The following SH3RF2 variants were observed in gnomAD, a reference collection of about 807,000 sequenced individuals.
SH3RF2 encodes SH3 domain containing ring finger 2.
SH3RF2 carries 43 observed loss-of-function variants against 59.0 expected under a neutral mutation model. That is an observed-to-expected ratio of 0.73 (90% confidence interval 0.57 to 0.94). The LOEUF is 0.94. SH3RF2 is among the 40% of genes least tolerant of loss of function. SH3RF2 has a pLI of 0.00. For missense variants in SH3RF2, 930 were observed against 940.1 expected (o/e 0.99, Z 0.14); for synonymous variants, 391 against 391.5 (o/e 1.00, Z 0.01).
chr5:145,959,536 C>A (rs1319557488), intron 2 of SH3RF2, among the ~76,000 whole-genome samples: 5 of 151,830 alleles, frequency 3.3e-5, no homozygotes, highest in Non-Finnish European at 5.9e-5. Context: ...TCATTCTCTC[C>A]ATTTGCAAAG....
At chr5:146,051,773 T>C (rs889904857) in intron 7 of SH3RF2, among the ~76,000 whole-genome samples, 2 of 152,136 alleles carry the variant, frequency 1.3e-5, no homozygotes, top group African/African-American at 4.8e-5. Context: ...AGTTTAGCAT[T>C]TAAGAGAGAG....
At chr5:146,008,954 A>G (rs1003147487) in intron 4 of SH3RF2, among the ~76,000 whole-genome samples, 1 of 152,234 alleles carries the variant, frequency 6.6e-6, no homozygotes, top group African/African-American at 2.4e-5. Context: ...TGTTTCATGT[A>G]TCAGTAGTTC....
rs553853516 is a variant in SH3RF2, at chr5:145,949,268, C to G, written c.378+10962C>G. Among the ~76,000 whole-genome samples, 8 of 152,286 alleles carry G rather than the reference C, an allele frequency of 5.3e-5. No homozygotes were observed. The South Asian group carries it at 1.7e-3, about 32-fold the overall frequency. On this transcript the variant is annotated intron_variant, in intron 2 of 9. Transcript: ENST00000359120. ...ACACCAACTGACTGGCATGCCAAAG[C>G]CTTCTGAGCAGGTCACCCTGGTTTT...
intron 2 of SH3RF2, among the ~76,000 whole-genome samples, chr5:145,969,722 G>A (rs1043849295): frequency 1.3e-4 from 19 of 151,062 alleles, no homozygotes; most frequent in African/African-American, 2.4e-4. Context: ...ATGACAGAGC[G>A]AGACACTCTT....
At chr5:145,993,067 A>T (rs1466688776) in intron 2 of SH3RF2, among the ~76,000 whole-genome samples, 3 of 152,154 alleles carry the variant, frequency 2.0e-5, no homozygotes, top group Non-Finnish European at 4.4e-5. Flanking sequence ...AGCCATTTCA[A>T]ATGGGAGAAA....
At chr5:145,965,956 G>A (rs940572170) in intron 2 of SH3RF2, among the ~76,000 whole-genome samples, 7 of 152,160 alleles carry the variant, frequency 4.6e-5, no homozygotes, top group African/African-American at 2.4e-5. Context: ...GAGTCTGAAC[G>A]AGCCAACCAA....
At chr5:145,987,485 C>T (rs540915372) in intron 2 of SH3RF2, among the ~76,000 whole-genome samples, 16 of 152,228 alleles carry the variant, frequency 1.1e-4, no homozygotes, top group South Asian at 4.1e-4. Context: ...AAAAGTCACA[C>T]GACATAACAG....
rs1339480670 is a variant in SH3RF2, at chr5:146,080,724, T to C, written c.*2298T>C. On this transcript the variant is annotated 3_prime_UTR_variant, in exon 10 of 10. Coordinates refer to the SH3RF2 transcript ENST00000511217. ...AAAATGTCTGTTGCATGTGTGTTGG[T>C]GTTGGTGTTGGTGTTGTTTACCCAC... is the stretch of plus-strand genomic sequence containing the variant. 2.0e-5 allele frequency: 3 copies of C among 152,198 alleles called. No individual in the cohort carries two copies. The South Asian group carries it at 6.2e-4, about 32-fold the overall frequency. 9.4% of individuals were successfully genotyped at this position (152,198 alleles called of 1,614,324 possible). A position where few individuals can be genotyped will look rare whatever the true frequency, so the allele number is the denominator to read the frequency against.
chr5:145,937,455 G>A (rs1175154135), intron 1 of SH3RF2, among the ~76,000 whole-genome samples: 1 of 152,180 alleles, frequency 6.6e-6, no homozygotes, highest in African/African-American at 2.4e-5. Context: ...GCGTTCGGAG[G>A]GGGCTTTGTT....
At chr5:146,002,406 G>A (rs556733068) in intron 3 of SH3RF2, among the ~76,000 whole-genome samples, 14 of 151,602 alleles carry the variant, frequency 9.2e-5, no homozygotes, top group East Asian at 3.9e-4. Flanking sequence ...AGCCAAGTTC[G>A]CGCCATTGCA....
chr5:146,067,353 C>T (rs1459536998), downstream of SH3RF2, among the ~76,000 whole-genome samples: 1 of 152,184 alleles, frequency 6.6e-6, no homozygotes, highest in Non-Finnish European at 1.5e-5. Context: ...CAACATACTG[C>T]GCCACAGCAG....
intron 2 of SH3RF2, among the ~76,000 whole-genome samples, chr5:145,991,726 A>G (rs1759940179): frequency 2.6e-5 from 4 of 152,206 alleles, no homozygotes; most frequent in Admixed American, 6.5e-5. Flanking sequence ...CTTCAAAGCA[A>G]TTTGAGCATT....
chr5:146,081,534 A>T (rs1763425375), exon 10 of SH3RF2: 1 of 152,222 alleles, frequency 6.6e-6, no homozygotes, highest in East Asian at 1.9e-4. Context: ...AAGAAGCAAA[A>T]GGGGAAAGGG....
chr5:146,024,216 A>C (rs1761441865), intron 5 of SH3RF2, among the ~76,000 whole-genome samples: 1 of 152,174 alleles, frequency 6.6e-6, no homozygotes, highest in Admixed American at 6.5e-5. Context: ...GCAGGTTGCA[A>C]TTTCCCCACA....
intron 2 of SH3RF2, among the ~76,000 whole-genome samples, chr5:145,967,915 C>A (rs1182142386): frequency 6.6e-6 from 1 of 152,322 alleles, no homozygotes; most frequent in South Asian, 2.1e-4. Flanking sequence ...CCACCTTGGC[C>A]TCCCAAAGTG....
intron 2 of SH3RF2, among the ~76,000 whole-genome samples, chr5:145,977,366 C>T (rs982663535): frequency 6.6e-6 from 1 of 152,206 alleles, no homozygotes; most frequent in Non-Finnish European, 1.5e-5. Flanking sequence ...CATTAATTCT[C>T]ATCACATACA....
chr5:146,078,128 G>A (rs569314440), intron 9 of SH3RF2, among the ~76,000 whole-genome samples: 6 of 152,280 alleles, frequency 3.9e-5, no homozygotes, highest in East Asian at 1.9e-4. Flanking sequence ...AATTGGTTCA[G>A]GCAATAACCA....
chr5:145,963,548 G>A (rs1758718897), intron 2 of SH3RF2, among the ~76,000 whole-genome samples: 1 of 152,108 alleles, frequency 6.6e-6, no homozygotes, highest in Non-Finnish European at 1.5e-5. Flanking sequence ...ATTTTATACT[G>A]GAAGGTATCA....
chr5:146,026,244 A>T (rs889244848), intron 5 of SH3RF2, among the ~76,000 whole-genome samples: 32 of 152,228 alleles, frequency 2.1e-4, no homozygotes, highest in African/African-American at 7.5e-4. Context: ...AATTTAAAAT[A>T]TAACTAATAG....
Sources: gnomAD v4.1 joint callset for allele counts (sites outside exome capture counted in the v4.1 genomes callset) on GRCh38, gnomAD v4.1.1 for gene constraint, MANE v1.5 for transcripts, NCBI Gene and HGNC (gene_info 2026-07-23, HGNC 2026-07-21) for gene names.